The following LRRC27 variants were observed in gnomAD, a reference collection of about 807,000 sequenced individuals.
LRRC27 encodes leucine-rich repeat-containing protein 27.
Under a neutral mutation model 55.0 loss-of-function variants are expected in LRRC27, and 57 were observed. The observed-to-expected ratio is 1.04, with a 90% CI of 0.84 to 1.29. The LOEUF (loss-of-function observed/expected upper bound fraction) is 1.29. Ranked by LOEUF, LRRC27 falls within the 50% of genes most tolerant of loss-of-function variation. LRRC27 has a pLI of 0.00. For synonymous variants in LRRC27, 278 were observed against 251.9 expected, an observed-to-expected ratio of 1.10 and a Z score of -0.98; for missense variants, 721 against 651.5, an observed-to-expected ratio of 1.11 and a Z score of -1.16.
Position 132,375,329 on chromosome 10 carries a change from A to C in LRRC27, c.*87A>C. The C allele has an allele frequency of 2.3e-6, 3 of 1,295,542 alleles. No homozygotes were observed. 80.3% of individuals were successfully genotyped at this position (1,295,542 alleles called of 1,614,324 possible). On this transcript the variant is annotated 3_prime_UTR_variant, in exon 11 of 11. Coordinates refer to ENST00000368614, the MANE Select transcript of LRRC27 (RefSeq NM_030626.3). ...GGCGTCGCCTCCTGTGTGGTGCCGG[A>C]AGAGCGCCAGGTTCAGTGTTACCCT...
upstream of LRRC27, chr10:132,331,972 C>T: frequency 2.0e-6 from 1 of 494,944 alleles, no homozygotes; most frequent in Admixed American, 4.4e-5. Context: ...ACACCCCGCC[C>T]CCTCCCGGGC....
At position 132,342,369 on chromosome 10, in the gene LRRC27, C is replaced by T. The variant is rs1159028188; in HGVS notation, c.400+98C>T. The T allele has an allele frequency of 8.8e-6, 7 of 793,162 alleles. No homozygotes were observed. In the Admixed American group the frequency reaches 1.9e-4, roughly 21 times the overall value. 49.1% of individuals were successfully genotyped at this position (793,162 alleles called of 1,614,324 possible). A position where few individuals can be genotyped will look rare whatever the true frequency, so the allele number is the denominator to read the frequency against. ...ATCAGGCATGACAAAGGAGGGTAAG[C>T]TAGATATTTTAAAAATCCTTCCTAC... On this transcript the variant is annotated intron_variant, in intron 4 of 10. Transcript: ENST00000368614.
chr10:132,362,188 GC>G (rs1488619361), intron 9 of LRRC27, among the ~76,000 whole-genome samples: 1 of 150,036 alleles, frequency 6.7e-6, no homozygotes, highest in African/African-American at 2.5e-5. Flanking sequence ...TGAGTCCCTG[GC>G]CAGGGGGCGG....
At chr10:132,334,361 G>T (rs1474710848) in intron 2 of LRRC27, among the ~76,000 whole-genome samples, 1 of 152,180 alleles carries the variant, frequency 6.6e-6, no homozygotes, top group Non-Finnish European at 1.5e-5. Flanking sequence ...AATGAATAAT[G>T]TGAAAGTTCA....
intron 9 of LRRC27, among the ~76,000 whole-genome samples, chr10:132,365,165 T>C (rs992832542): frequency 6.6e-6 from 1 of 152,234 alleles, no homozygotes; most frequent in Non-Finnish European, 1.5e-5. Context: ...ATAAGAATAG[T>C]GTGTGTTCTG....
rs950497967 is a variant in LRRC27, at chr10:132,347,989, C to G, written c.559C>G (p.Pro187Ala). 25 of 1,600,846 alleles carry G rather than the reference C, an allele frequency of 1.6e-5. No homozygotes were observed. Among genetic ancestry groups the G allele is most frequent in the Non-Finnish European group, 1.7e-5 (20 of 1,174,344 alleles). ...LPRNPTSQEA[P>A]PVREMTLRDL... is the part of the protein sequence containing the mutation. ...GCGGTTTCTTACTCTCCCAGAGGCTCCACCGGTTAGAGAGATGACCCTCCG... is the reference window on the plus strand; with the variant it reads ...GCGGTTTCTTACTCTCCCAGAGGCTGCACCGGTTAGAGAGATGACCCTCCG... The change falls in exon 6 of 11, where the codon CCA (proline) becomes GCA (alanine). Residue 187 changes from proline (P) to alanine (A), a missense_variant. Coordinates refer to ENST00000368614, the MANE Select transcript of LRRC27 (RefSeq NM_030626.3).
chr10:132,350,096 G>A (rs898556679), intron 6 of LRRC27, among the ~76,000 whole-genome samples: 4 of 152,230 alleles, frequency 2.6e-5, no homozygotes, highest in Non-Finnish European at 5.9e-5. Flanking sequence ...GGTGAGAGCA[G>A]CAGGCCCGGT....
In LRRC27 at chr10:132,349,272, C is replaced by T. The variant is rs576619581; in HGVS notation, c.926+916C>T. Among the ~76,000 whole-genome samples the T allele has an allele frequency of 1.7e-4, 26 of 152,308 alleles. No individual in the cohort carries two copies. The South Asian group carries it at 1.9e-3, about 11-fold the overall frequency. ...GTGGTCTGTGGTCCCTCAGGCTCCA[C>T]GCAGCGTCCAGCACGAGCAGGTTCA... On this transcript the variant is annotated intron_variant, in intron 6 of 10. Transcript: ENST00000368614.
At chr10:132,336,635 G>A in intron 2 of LRRC27, 1 of 644,114 alleles carries the variant, frequency 1.6e-6, no homozygotes, top group South Asian at 1.8e-5. Context: ...TTTAGTGCTT[G>A]CCCACATTGC....
At chr10:132,354,402 A>G (rs1041656177) in intron 7 of LRRC27, among the ~76,000 whole-genome samples, 1 of 152,162 alleles carries the variant, frequency 6.6e-6, no homozygotes, top group African/African-American at 2.4e-5. Flanking sequence ...ACCAGAAGAC[A>G]GTGACACTAA....
chr10:132,366,937 A>G (rs1564857990), intron 10 of LRRC27: 7 of 1,282,686 alleles, frequency 5.5e-6, no homozygotes, highest in Non-Finnish European at 7.1e-6. Flanking sequence ...CACTTCTGAG[A>G]CTCTTTTCCT....
chr10:132,359,196 A>G (rs755123273), intron 8 of LRRC27, among the ~76,000 whole-genome samples: 3 of 150,818 alleles, frequency 2.0e-5, no homozygotes, highest in Non-Finnish European at 4.4e-5. Flanking sequence ...GGGATAGAGC[A>G]TGGAGGCTGC....
rs116994031 is a variant in LRRC27 at position 132,356,007 on chromosome 10, C to G, written c.1170+121C>G. The G allele has an allele frequency of 6.3e-3, 4,056 of 644,568 alleles. 7 individuals are homozygous for G. Among genetic ancestry groups the G allele is most frequent in the Middle Eastern group, 8.2e-3 (19 of 2,304 alleles). The allele number at this position is 644,568 out of a possible 1,614,324, so 39.9% of individuals were successfully genotyped here. A position where few individuals can be genotyped will look rare whatever the true frequency, so the allele number is the denominator to read the frequency against. On this transcript the variant is annotated intron_variant, in intron 8 of 10. Coordinates refer to ENST00000368614, the MANE Select transcript of LRRC27 (RefSeq NM_030626.3). ...CTGGGGGTGTGGGTGGGTGCTCACA[C>G]GCATCCCTGTCCATGGAGGATGAGC...
chr10:132,360,232 A>C (rs2068548877), intron 8 of LRRC27, among the ~76,000 whole-genome samples: 1 of 152,166 alleles, frequency 6.6e-6, no homozygotes, highest in Admixed American at 6.5e-5. Flanking sequence ...AGTAGCTAGA[A>C]CTACAGGCAT....
Position 132,348,987 on chromosome 10 carries a change from T to C in LRRC27, c.926+631T>C. On this transcript the variant is annotated intron_variant, in intron 6 of 10. Transcript: ENST00000368614. This position sits in a 1 kb window ranked among gnomAD's most constrained non-coding sequence, Gnocchi z 4.2. ...GGACAAGGGTCCCTAGGAAACAGGC[T>C]CTGCAGAGACTACATGAGAGAAAAA... 1 of 1,610,262 alleles carries C rather than the reference T, an allele frequency of 6.2e-7. No individual in the cohort carries two copies. The highest frequency in any genetic ancestry group is 2.2e-5 in the East Asian group (1 of 44,800).
chr10:132,353,861 C>T (rs1045942688), intron 7 of LRRC27, among the ~76,000 whole-genome samples: 9 of 152,258 alleles, frequency 5.9e-5, no homozygotes, highest in Admixed American at 3.3e-4. Context: ...TGCCAGCTGC[C>T]CTCCCCTCAC....
rs2067262188 is a variant in LRRC27 at position 132,338,994 on chromosome 10, G to A, written c.341+1299G>A. Among the ~76,000 whole-genome samples the A allele has an allele frequency of 3.3e-5, 5 of 152,138 alleles. 1 individual carries two copies. The South Asian group carries it at 1.0e-3, about 32-fold the overall frequency. On this transcript the variant is annotated intron_variant, in intron 3 of 10. Transcript: ENST00000368614. ...CAAAGTGCTGGGATGACAGGCATGA[G>A]CCCCCGCGCCCGGCTACCTGAACCT...
chr10:132,363,505 C>T (rs945194970), intron 9 of LRRC27, among the ~76,000 whole-genome samples: 2 of 152,204 alleles, frequency 1.3e-5, no homozygotes, highest in Admixed American at 6.5e-5. Flanking sequence ...CTGGGCCCCT[C>T]CCTCGCACCT....
chr10:132,367,795 A>C (rs1213937572), intron 10 of LRRC27, among the ~76,000 whole-genome samples: 1 of 152,260 alleles, frequency 6.6e-6, no homozygotes, highest in Non-Finnish European at 1.5e-5. Flanking sequence ...CACTAAGATC[A>C]GGAGCAAGGC....
Sources: allele counts gnomAD v4.1 joint callset (sites outside exome capture counted in the v4.1 genomes callset), GRCh38; gene constraint gnomAD v4.1.1; non-coding constraint Gnocchi (gnomAD v3.1); transcripts MANE v1.5; gene names NCBI Gene and HGNC (gene_info 2026-07-23, HGNC 2026-07-21).